DENND1A: variants seen among roughly 807,000 people sequenced by gnomAD.
DENND1A encodes the protein DENN domain containing 1A, also known as DENN domain-containing protein 1A.
In DENND1A, 51 loss-of-function variants were observed where a neutral mutation model predicts 113.7. That is an observed-to-expected ratio of 0.45 (90% CI 0.36 to 0.57). The LOEUF (loss-of-function observed/expected upper bound fraction) is 0.57. Among genes scored for constraint, DENND1A ranks in the 20% least tolerant of loss-of-function variants. The pLI is 0.00. For synonymous variants in DENND1A, 565 were observed against 570.8 expected (o/e 0.99, Z 0.14); for missense variants, 1,258 against 1,395.9 (o/e 0.90, Z 1.57).
At chr9:123,385,025 A>G (rs932765214) in intron 22 of DENND1A, among the ~76,000 whole-genome samples, 4 of 152,204 alleles carry the variant, frequency 2.6e-5, no homozygotes, top group Admixed American at 6.5e-5. Context: ...AGCTGATCCA[A>G]GTATAGTTAA....
intron 11 of DENND1A, among the ~76,000 whole-genome samples, chr9:123,588,283 CAAAA>C (rs10640791): frequency 1.5e-5 from 1 of 68,098 alleles, no homozygotes. Flanking sequence ...AACTCTGTCT[CAAAA>C]AAAAAAAAAA....
intron 5 of DENND1A, among the ~76,000 whole-genome samples, chr9:123,723,366 A>G (rs532503013): frequency 6.6e-6 from 1 of 152,330 alleles, no homozygotes; most frequent in East Asian, 1.9e-4. Context: ...CGAGTTAATG[A>G]TGAAATCAGT....
At chr9:123,679,421 C>T (rs1339476956) in intron 5 of DENND1A, among the ~76,000 whole-genome samples, 1 of 152,144 alleles carries the variant, frequency 6.6e-6, no homozygotes, top group Non-Finnish European at 1.5e-5. Context: ...CTCAGCCTCA[C>T]CAAGTCAATT....
chr9:123,682,450 G>C (rs552936022), intron 5 of DENND1A, among the ~76,000 whole-genome samples: 74 of 152,224 alleles, frequency 4.9e-4, no homozygotes, highest in Non-Finnish European at 9.3e-4. Flanking sequence ...GAATACCTGA[G>C]GAGAGGTATC....
At chr9:123,654,951 G>A (rs1277777029) in intron 8 of DENND1A, among the ~76,000 whole-genome samples, 7 of 152,102 alleles carry the variant, frequency 4.6e-5, no homozygotes, top group Non-Finnish European at 8.8e-5. Flanking sequence ...TCAGAAGCAC[G>A]CCCCATGGAG....
chr9:123,890,877 C>T (rs1239161213), intron 1 of DENND1A, among the ~76,000 whole-genome samples: 2 of 152,126 alleles, frequency 1.3e-5, no homozygotes, highest in East Asian at 3.8e-4. Flanking sequence ...AATATACATA[C>T]ACTAAAATGC....
At chr9:123,892,498 G>A (rs1451901999) in intron 1 of DENND1A, among the ~76,000 whole-genome samples, 2 of 152,176 alleles carry the variant, frequency 1.3e-5, no homozygotes, top group African/African-American at 2.4e-5. Flanking sequence ...AGATGGAAAA[G>A]AAAGAAGTGA....
intron 21 of DENND1A, among the ~76,000 whole-genome samples, chr9:123,389,918 G>A (rs1374538840): frequency 6.6e-6 from 1 of 152,218 alleles, no homozygotes; most frequent in East Asian, 1.9e-4. Context: ...TCCATGCTGT[G>A]TGTTGGCTCT....
intron 21 of DENND1A, among the ~76,000 whole-genome samples, chr9:123,398,194 G>A (rs771963802): frequency 6.6e-6 from 1 of 152,164 alleles, no homozygotes; most frequent in Non-Finnish European, 1.5e-5. Flanking sequence ...CAGTGCCCCA[G>A]CCCCTACTGC....
chr9:123,527,049 G>A (rs181526910), intron 13 of DENND1A, among the ~76,000 whole-genome samples: 33 of 152,240 alleles, frequency 2.2e-4, no homozygotes, highest in African/African-American at 6.0e-4. Context: ...CCTAGTGGGT[G>A]GGAATAGCCT....
At chr9:123,761,803 T>TTC (rs948728390) in intron 4 of DENND1A, among the ~76,000 whole-genome samples, 1 of 152,102 alleles carries the variant, frequency 6.6e-6, no homozygotes, top group Non-Finnish European at 1.5e-5. Context: ...GAATTTATCA[T>TTC]TCTCTCTCTC....
chr9:123,795,380 A>C (rs1833610677), intron 2 of DENND1A, among the ~76,000 whole-genome samples: 1 of 152,242 alleles, frequency 6.6e-6, no homozygotes. Context: ...CCATAATGTC[A>C]CCAAAATATC....
At chr9:123,677,140 G>A (rs1350857423) in intron 5 of DENND1A, among the ~76,000 whole-genome samples, 1 of 152,034 alleles carries the variant, frequency 6.6e-6, no homozygotes, top group Non-Finnish European at 1.5e-5. Flanking sequence ...CTTCTATTCA[G>A]TTTCTCATGA....
chr9:123,928,882 G>C lies in DENND1A; in HGVS notation c.17+1007C>G, dbSNP rs186516018. On this transcript the variant is annotated intron_variant, in intron 1 of 23. Transcript: ENST00000394215. The stretch of plus-strand genomic sequence containing the variant: ...AGAGGGTTTAAAGTGTCCTAGGAAA[G>C]TTGTTTTACAGAAAAGCCTATGCTG... The C allele has an allele frequency of 1.9e-4, 184 of 985,464 alleles. No homozygotes were observed. The African/African-American group carries it at 3.1e-3, about 17-fold the overall frequency. 61.0% of individuals were successfully genotyped at this position (985,464 alleles called of 1,614,324 possible).
chr9:123,480,646 C>T (rs1226485281), intron 13 of DENND1A, among the ~76,000 whole-genome samples: 2 of 152,158 alleles, frequency 1.3e-5, no homozygotes, highest in Non-Finnish European at 2.9e-5. Flanking sequence ...TCCCATAGCA[C>T]TCTAAGCTTA....
At chr9:123,706,852 A>T (rs2066248564) in intron 5 of DENND1A, among the ~76,000 whole-genome samples, 2 of 151,934 alleles carry the variant, frequency 1.3e-5, no homozygotes, top group Non-Finnish European at 2.9e-5. Flanking sequence ...ATGGAAAAAA[A>T]TAGTATTGTC....
At chr9:123,481,066 T>C (rs2050297236) in intron 13 of DENND1A, among the ~76,000 whole-genome samples, 1 of 152,242 alleles carries the variant, frequency 6.6e-6, no homozygotes, top group Admixed American at 6.5e-5. Flanking sequence ...CTGTCAGTCT[T>C]AAATGTCACT....
chr9:123,910,424 A>G (rs1036391616), intron 1 of DENND1A, among the ~76,000 whole-genome samples: 2 of 152,358 alleles, frequency 1.3e-5, no homozygotes, highest in Middle Eastern at 3.4e-3. Context: ...AAGAAAAGGA[A>G]TTAACCTTGA....
chr9:123,768,136 G>T (rs1829129007), intron 4 of DENND1A, among the ~76,000 whole-genome samples: 1 of 152,120 alleles, frequency 6.6e-6, no homozygotes, highest in Non-Finnish European at 1.5e-5. Context: ...TAGAATTAAG[G>T]CTATTCTTTT....
Sources: allele counts gnomAD v4.1 joint callset (sites outside exome capture counted in the v4.1 genomes callset), GRCh38; gene constraint gnomAD v4.1.1; transcripts MANE v1.5; gene names NCBI Gene and HGNC (gene_info 2026-07-23, HGNC 2026-07-21).